MECOM: variants seen among roughly 807,000 people sequenced by gnomAD.
MECOM encodes MDS1 and EVI1 complex locus.
A neutral mutation model predicts 116.3 loss-of-function variants in MECOM; 13 were observed. The ratio of observed to expected loss-of-function variants is 0.11; its 90% CI spans 0.07 to 0.18. The LOEUF is 0.18. Ranked by LOEUF, MECOM falls within the 10% of genes least tolerant of loss-of-function variation. The pLI is 1.00. For missense variants in MECOM, 1,299 were observed against 1,509.0 expected, an observed-to-expected ratio of 0.86 and a Z score of 2.31; for synonymous variants, 528 against 535.2, an observed-to-expected ratio of 0.99 and a Z score of 0.19.
At chr3:169,104,672 G>A (rs73029129) in intron 10 of MECOM, among the ~76,000 whole-genome samples, 4,408 of 152,186 alleles carry the variant, frequency 0.029, 202 homozygotes, top group African/African-American at 0.1. Context: ...ATAGAAACAC[G>A]TTTCCTTTTA....
intron 2 of MECOM, chr3:169,145,082 G>T: frequency 6.7e-7 from 1 of 1,501,770 alleles, no homozygotes; most frequent in South Asian, 1.3e-5. Flanking sequence ...GAAATTGAAG[G>T]GCAATAAGTC....
intron 8 of MECOM, among the ~76,000 whole-genome samples, 188 bp downstream of exon 8, chr3:169,115,195 A>G (rs1410697771): frequency 6.6e-6 from 1 of 152,212 alleles, no homozygotes; most frequent in African/African-American, 2.4e-5. Context: ...AACTTCAGAA[A>G]CATCCAAAAA....
chr3:169,663,609 C>CTGTCTCT lies in MECOM; in HGVS notation c.-238_-237insAGAGACA. On this transcript the variant is annotated 5_prime_UTR_variant, in exon 1 of 17. Transcript: ENST00000651503. ...GTATTTTCTTCTTTCACTCTCTCTC[C>CTGTCTCT]CTCCCTCTCTCCCTTTCTCTCAATC... The CTGTCTCT allele has an allele frequency of 1.7e-6, 1 of 573,584 alleles. No individual in the cohort carries two copies. Among genetic ancestry groups the CTGTCTCT allele is most frequent in the Non-Finnish European group, 3.1e-6 (1 of 322,008 alleles). The allele number at this position is 573,584 out of a possible 1,614,324, so 35.5% of individuals were successfully genotyped here. A position where few individuals can be genotyped will look rare whatever the true frequency, so the allele number is the denominator to read the frequency against.
chr3:169,364,057 T>G (rs1179790723), intron 2 of MECOM, among the ~76,000 whole-genome samples: 1 of 151,980 alleles, frequency 6.6e-6, no homozygotes. Flanking sequence ...TGTGGTTTAC[T>G]CTTAAGTACA....
chr3:169,413,279 G>A (rs979426831), intron 1 of MECOM, among the ~76,000 whole-genome samples: 1 of 152,260 alleles, frequency 6.6e-6, no homozygotes, highest in Admixed American at 6.5e-5. Flanking sequence ...CTTAGCCAAG[G>A]GAAGCCATGA....
At chr3:169,567,556 T>C (rs1391807337) in intron 1 of MECOM, among the ~76,000 whole-genome samples, 3 of 152,142 alleles carry the variant, frequency 2.0e-5, no homozygotes, top group Admixed American at 1.3e-4. Context: ...TCAGATACAG[T>C]AAGGCTCCTG....
intron 1 of MECOM, among the ~76,000 whole-genome samples, chr3:169,470,388 AAAAACGAGCTTCTTGATGACAGC>A (rs1244609379): frequency 6.6e-6 from 1 of 152,238 alleles, no homozygotes; most frequent in African/African-American, 2.4e-5. Flanking sequence ...GGAAGAGAGA[AAAAACGAGCTTCTTGATGACAGC>A]AAAACCACAC....
intron 1 of MECOM, among the ~76,000 whole-genome samples, chr3:169,591,933 T>C (rs1250956884): frequency 2.0e-5 from 3 of 152,154 alleles, no homozygotes; most frequent in African/African-American, 7.2e-5. Flanking sequence ...ACTCATAAAA[T>C]CAATGCTGTT....
intron 1 of MECOM, among the ~76,000 whole-genome samples, chr3:169,595,874 T>C (rs1767066099): frequency 6.6e-6 from 1 of 152,170 alleles, no homozygotes; most frequent in South Asian, 2.1e-4. Flanking sequence ...TTATTTTAAA[T>C]AACTTTTGGC....
At chr3:169,647,347 C>T (rs1030076932) in intron 1 of MECOM, among the ~76,000 whole-genome samples, 1 of 152,206 alleles carries the variant, frequency 6.6e-6, no homozygotes, top group Non-Finnish European at 1.5e-5. Flanking sequence ...GAACACTCAA[C>T]AACCTTGACT....
intron 2 of MECOM, among the ~76,000 whole-genome samples, chr3:169,276,997 TACACACACACACACACAC>T (rs71300479): frequency 2.1e-5 from 3 of 144,418 alleles, no homozygotes; most frequent in South Asian, 2.2e-4. Context: ...TAATTTATGT[TACACACACACACACACAC>T]ACACACACAC....
chr3:169,501,514 C>G (rs12493227), intron 1 of MECOM, among the ~76,000 whole-genome samples: 1 of 151,846 alleles, frequency 6.6e-6, no homozygotes, highest in African/African-American at 2.4e-5. Flanking sequence ...ACGTTTTTAA[C>G]CCAGCTCTGA....
At chr3:169,293,476 G>A (rs559363370) in intron 2 of MECOM, among the ~76,000 whole-genome samples, 1 of 152,228 alleles carries the variant, frequency 6.6e-6, no homozygotes, top group East Asian at 1.9e-4. Context: ...ATTCTCTTAG[G>A]CTGAAATGCT....
chr3:169,363,584 A>G (rs1728673020), intron 2 of MECOM, among the ~76,000 whole-genome samples: 1 of 151,916 alleles, frequency 6.6e-6, no homozygotes, highest in African/African-American at 2.4e-5. Flanking sequence ...TTGCCTGTTA[A>G]TAGACTGCTG....
chr3:169,286,609 C>CA (rs1195153341), intron 2 of MECOM, among the ~76,000 whole-genome samples: 1 of 152,080 alleles, frequency 6.6e-6, no homozygotes, highest in Non-Finnish European at 1.5e-5. Context: ...AAAAGCAGGA[C>CA]AAAAAATTCC....
Position 169,326,174 on chromosome 3 carries a change from A to G in MECOM, c.375+55013T>C, listed in dbSNP as rs1391431809. On this transcript the variant is annotated intron_variant, in intron 2 of 16. Transcript: ENST00000651503. ...GAACTAGGCTTTGGAGATAACTAGGATCTTGTTAAGGATCCAGGGGACAGA... is the reference window on the plus strand; with the variant it reads ...GAACTAGGCTTTGGAGATAACTAGGGTCTTGTTAAGGATCCAGGGGACAGA... Among the ~76,000 whole-genome samples, 3 of 152,186 alleles carry G rather than the reference A, an allele frequency of 2.0e-5. No individual in the cohort carries two copies. In the East Asian group the frequency reaches 5.8e-4, roughly 29 times the overall value.
chr3:169,094,495 T>C (rs1199446876), intron 13 of MECOM, among the ~76,000 whole-genome samples: 3 of 152,198 alleles, frequency 2.0e-5, no homozygotes, highest in Non-Finnish European at 4.4e-5. Flanking sequence ...AAAGTCTAGT[T>C]TTATGCCAGT....
intron 1 of MECOM, among the ~76,000 whole-genome samples, chr3:169,650,822 G>A (rs1188881141): frequency 6.6e-6 from 1 of 151,990 alleles, no homozygotes; most frequent in Admixed American, 6.6e-5. Context: ...TTCTCTGTCT[G>A]TTTTGTTCTG....
intron 3 of MECOM, among the ~76,000 whole-genome samples, chr3:169,135,718 T>C (rs554313519): frequency 1.3e-5 from 2 of 152,054 alleles, no homozygotes; most frequent in Admixed American, 6.5e-5. Context: ...CCCAGTATCT[T>C]GCTAGACTCT....
Sources: allele counts gnomAD v4.1 joint callset (sites outside exome capture counted in the v4.1 genomes callset), GRCh38; gene constraint gnomAD v4.1.1; transcripts MANE v1.5; gene names NCBI Gene and HGNC (gene_info 2026-07-23, HGNC 2026-07-21).